Variants in KAZN observed in about 807,000 individuals in gnomAD.
The protein encoded by KAZN is kazrin, periplakin interacting protein.
In KAZN, 40 loss-of-function variants were observed where a neutral mutation model predicts 87.4. The ratio of observed to expected loss-of-function variants is 0.46; its 90% CI spans 0.36 to 0.60. KAZN has a LOEUF of 0.60. KAZN is among the 20% of genes least tolerant of loss of function. The pLI is 0.00. For missense variants in KAZN, 898 were observed against 1,073.9 expected (o/e 0.84, Z 2.29); for synonymous variants, 466 against 458.3 (o/e 1.02, Z -0.22).
chr1:14,010,041 C>T, intron 1 of KAZN, among the ~76,000 whole-genome samples: 1 of 152,174 alleles, frequency 6.6e-6, no homozygotes, highest in East Asian at 1.9e-4. Flanking sequence ...TCAATTAACA[C>T]ATCAACAATT....
At chr1:14,296,740 A>G (rs1654155103) in intron 2 of KAZN, among the ~76,000 whole-genome samples, 1 of 149,450 alleles carries the variant, frequency 6.7e-6, no homozygotes, top group African/African-American at 2.5e-5. Flanking sequence ...GGTTTAAGCA[A>G]TTCTCCTGCC....
chr1:14,641,806 A>G (rs1680428281), intron 1 of KAZN, among the ~76,000 whole-genome samples: 2 of 152,374 alleles, frequency 1.3e-5, no homozygotes, highest in African/African-American at 4.8e-5. Context: ...GACCAACAAC[A>G]TTTATTAAAT....
intron 1 of KAZN, among the ~76,000 whole-genome samples, chr1:14,958,462 ATACATGGAGCACTTCCTGTG>A (rs1289137734): frequency 6.6e-6 from 1 of 151,886 alleles, no homozygotes; most frequent in Admixed American, 6.6e-5. Flanking sequence ...CACTTCTTAT[ATACATGGAGCACTTCCTGTG>A]TACATGGAGC....
At chr1:14,085,809 T>C (rs968018467) in intron 1 of KAZN, among the ~76,000 whole-genome samples, 5 of 152,204 alleles carry the variant, frequency 3.3e-5, no homozygotes, top group African/African-American at 1.2e-4. Context: ...ATATGGTAAG[T>C]GTAACTTTAT....
intron 1 of KAZN, among the ~76,000 whole-genome samples, chr1:14,688,536 A>G (rs1641091692): frequency 6.6e-6 from 1 of 152,242 alleles, no homozygotes; most frequent in African/African-American, 2.4e-5. Context: ...ATCTATCAGG[A>G]AGTGGGTAAT....
chr1:14,480,638 G>A (rs1361072046), intron 2 of KAZN, among the ~76,000 whole-genome samples: 1 of 143,068 alleles, frequency 7.0e-6, no homozygotes, highest in Non-Finnish European at 1.5e-5. Flanking sequence ...TATATATTAT[G>A]TATTATAATA....
chr1:14,108,542 G>T (rs115406097), intron 1 of KAZN, among the ~76,000 whole-genome samples: 1 of 152,126 alleles, frequency 6.6e-6, no homozygotes, highest in Admixed American at 6.5e-5. Context: ...GGAGGCAGGT[G>T]GTGGGCCAGA....
intron 2 of KAZN, among the ~76,000 whole-genome samples, chr1:14,442,767 T>G (rs1571658865): frequency 6.6e-6 from 1 of 152,316 alleles, no homozygotes; most frequent in South Asian, 2.1e-4. Context: ...TGGCCTGATT[T>G]CATAAGTGTC....
chr1:15,048,682 T>TCGGTCCTGGGTCGC (rs1673896625), intron 4 of KAZN, among the ~76,000 whole-genome samples: 5 of 143,108 alleles, frequency 3.5e-5, no homozygotes, highest in South Asian at 2.2e-4. Context: ...TCCTGGGTCG[T>TCGGTCCTGGGTCGC]TGGTCCTGGG....
chr1:14,114,286 C>T (rs1035657781), intron 1 of KAZN, among the ~76,000 whole-genome samples: 4 of 151,154 alleles, frequency 2.6e-5, no homozygotes, highest in Admixed American at 6.6e-5. Context: ...CGTGGGGGGC[C>T]GGCATTGGGG....
At chr1:14,686,975 G>A (rs552628426) in intron 1 of KAZN, among the ~76,000 whole-genome samples, 19 of 152,150 alleles carry the variant, frequency 1.2e-4, no homozygotes, top group Admixed American at 9.2e-4. Flanking sequence ...CTGCAGAGGC[G>A]GCTGGGAAAC....
At chr1:15,037,130 C>T (rs1372495932) in intron 3 of KAZN, among the ~76,000 whole-genome samples, 2 of 152,140 alleles carry the variant, frequency 1.3e-5, no homozygotes, top group South Asian at 2.1e-4. Flanking sequence ...TCTCCATTCT[C>T]GGCCTAAGGA....
At chr1:15,114,434 T>G (rs1353505102) in intron 14 of KAZN, 37 bp from the exon 15 acceptor site, 1 of 1,537,902 alleles carries the variant, frequency 6.5e-7, no homozygotes, top group African/African-American at 1.4e-5. Context: ...CTTGTTTCTC[T>G]TCTTCCTGTC....
At chr1:14,346,158 G>A (rs985072050) in intron 2 of KAZN, among the ~76,000 whole-genome samples, 2 of 152,180 alleles carry the variant, frequency 1.3e-5, no homozygotes, top group African/African-American at 4.8e-5. Flanking sequence ...AGTGACCCTA[G>A]CTGGGCTGAA....
intron 1 of KAZN, among the ~76,000 whole-genome samples, chr1:14,695,886 A>G (rs754925111): frequency 6.6e-6 from 1 of 152,016 alleles, no homozygotes; most frequent in Admixed American, 6.6e-5. Context: ...GCCAGCATAC[A>G]TATGTCTTGA....
chr1:14,849,646 G>A (rs1043913346), intron 1 of KAZN, among the ~76,000 whole-genome samples: 3 of 152,118 alleles, frequency 2.0e-5, no homozygotes, highest in Admixed American at 1.3e-4. Flanking sequence ...CCTTCCTGTC[G>A]GTATTTCTAT....
At chr1:14,265,033 A>G (rs1477077484) in intron 2 of KAZN, among the ~76,000 whole-genome samples, 1 of 152,246 alleles carries the variant, frequency 6.6e-6, no homozygotes, top group African/African-American at 2.4e-5. Flanking sequence ...ATCTTCATAT[A>G]GTTTAAACAT....
At chr1:14,940,323 A>C (rs186666390) in intron 1 of KAZN, among the ~76,000 whole-genome samples, 25 of 152,334 alleles carry the variant, frequency 1.6e-4, no homozygotes, top group Non-Finnish European at 3.1e-4. Flanking sequence ...ATTCGTTTTA[A>C]GCATTCACTC....
intron 1 of KAZN, among the ~76,000 whole-genome samples, chr1:13,982,698 CT>C (rs1299049560): frequency 6.6e-6 from 1 of 151,968 alleles, no homozygotes; most frequent in African/African-American, 2.4e-5. Context: ...GGTTCTCCAC[CT>C]CCCCATCAGA....
Sources: gnomAD v4.1 joint callset for allele counts (sites outside exome capture counted in the v4.1 genomes callset) on GRCh38, gnomAD v4.1.1 for gene constraint, MANE v1.5 for transcripts, NCBI Gene and HGNC (gene_info 2026-07-23, HGNC 2026-07-21) for gene names.